The following PTPRB variants were observed in gnomAD, a reference collection of about 807,000 sequenced individuals.
PTPRB encodes receptor-type tyrosine-protein phosphatase beta.
PTPRB carries 97 observed loss-of-function variants against 238.1 expected under a neutral mutation model. The observed-to-expected ratio is 0.41, with a 90% CI of 0.35 to 0.48. The LOEUF is 0.48. Ranked by LOEUF, PTPRB falls within the 20% of genes least tolerant of loss-of-function variation. The pLI is 0.30. For missense variants in PTPRB, 2,292 were observed against 2,681.9 expected, an observed-to-expected ratio of 0.85 and a Z score of 3.21; for synonymous variants, 970 against 995.4, an observed-to-expected ratio of 0.97 and a Z score of 0.48.
In PTPRB at chr12:70,576,539, T is replaced by C. The variant is rs1880720774; in HGVS notation, c.2685A>G (p.Thr895=). Residue 895 remains threonine (T), a synonymous_variant, in exon 11 of 34, where the codon ACA becomes ACG. Transcript: ENST00000334414. ...APGDVDNYEV[T]LSHDGKVVQS... ...GAACCACCTTGCCGTCATGAGACAA[T>C]GTTACCTCATAGTTATCCACATCTC... is the stretch of plus-strand genomic sequence containing the variant. The C allele has an allele frequency of 6.4e-7, 1 of 1,559,272 alleles. No homozygotes were observed. The highest frequency in any genetic ancestry group is 8.7e-7 in the Non-Finnish European group (1 of 1,150,630).
chr12:70,570,077 T>G lies in PTPRB; in HGVS notation c.3371-139A>C. 4.9e-6 allele frequency: 4 copies of G among 815,080 alleles called. No homozygotes were observed. The South Asian group carries it at 7.3e-5, about 15-fold the overall frequency. The allele number at this position is 815,080 out of a possible 1,614,324, so 50.5% of individuals were successfully genotyped here. On this transcript the variant is annotated intron_variant, in intron 13 of 33. Transcript: ENST00000334414. The stretch of plus-strand genomic sequence containing the variant: ...AAAAAGAAAGTAACAATTTGCCACT[T>G]TTCTCTGATTTTTCTGTGTGAACTA...
chr12:70,535,973 T>C (rs934117443), intron 29 of PTPRB, 52 bp downstream of exon 29: 40 of 1,603,964 alleles, frequency 2.5e-5, no homozygotes, highest in Non-Finnish European at 3.4e-5. Flanking sequence ...GGCAGAATTC[T>C]ATCCAGGTGG....
At chr12:70,630,816 C>G (rs1422627343) in intron 2 of PTPRB, among the ~76,000 whole-genome samples, 4 of 152,186 alleles carry the variant, frequency 2.6e-5, no homozygotes, top group African/African-American at 9.7e-5. Flanking sequence ...CATGAATGAA[C>G]TCCCATTCAC....
At chr12:70,543,071 T>C (rs1875426856) in intron 22 of PTPRB, 1 of 152,172 alleles carries the variant, frequency 6.6e-6, no homozygotes, top group Non-Finnish European at 1.5e-5. Context: ...ACTTTGCTGA[T>C]AGTGTCCTTT....
chr12:70,606,769 G>A (rs1883982001), intron 4 of PTPRB, among the ~76,000 whole-genome samples: 1 of 152,110 alleles, frequency 6.6e-6, no homozygotes, highest in Non-Finnish European at 1.5e-5. Flanking sequence ...TTAAAATGTA[G>A]AAAGAACTAC....
intron 2 of PTPRB, among the ~76,000 whole-genome samples, chr12:70,631,875 A>G (rs1265386292): frequency 3.3e-5 from 5 of 152,236 alleles, no homozygotes; most frequent in African/African-American, 9.6e-5. Flanking sequence ...CAAAACCACA[A>G]TGAGATACCA....
At chr12:70,630,097 C>A (rs1885379313) in intron 2 of PTPRB, among the ~76,000 whole-genome samples, 1 of 151,882 alleles carries the variant, frequency 6.6e-6, no homozygotes, top group African/African-American at 2.4e-5. Flanking sequence ...ATACCAAAGC[C>A]TGGCAGAGAC....
Position 70,569,877 on chromosome 12 carries a change from C to G in PTPRB, c.3432G>C (p.Val1144=). ...SPNGATDSLT[V]NWTPGGGDVD... is the part of the protein sequence containing the mutation. ...CGTCTCCCCCACCAGGAGTCCAGTT[C>G]ACCGTCAGGCTATCTGTTGCTCCAT... Residue 1144 remains valine (V), a synonymous_variant, in exon 14 of 34, where the codon GTG becomes GTC. Transcript: ENST00000334414. 1 of 1,613,612 alleles carries G rather than the reference C, an allele frequency of 6.2e-7. No homozygotes were observed. The highest frequency in any genetic ancestry group is 8.5e-7 in the Non-Finnish European group (1 of 1,179,532).
At chr12:70,630,507 A>T (rs899114809) in intron 2 of PTPRB, among the ~76,000 whole-genome samples, 1 of 152,252 alleles carries the variant, frequency 6.6e-6, no homozygotes. Context: ...GAAAACCGGC[A>T]TAAGACAAGG....
chr12:70,595,296 T>TG lies in PTPRB; in HGVS notation c.1259-573dup, dbSNP rs568919851. ...GGGAACATCACACACGGGGACCTGT[T>TG]GGGGGGTGAGGGGGATAAGGAAGGG... On this transcript the variant is annotated intron_variant, in intron 5 of 33. Coordinates refer to ENST00000334414, the MANE Select transcript of PTPRB (RefSeq NM_001109754.4). Among the ~76,000 whole-genome samples the TG allele has an allele frequency of 3.1e-4, 47 of 151,674 alleles. 1 individual carries two copies. In the East Asian group the frequency reaches 8.5e-3, roughly 28 times the overall value.
intron 33 of PTPRB, chr12:70,522,653 A>C (rs779019977): frequency 2.0e-5 from 3 of 152,032 alleles, no homozygotes; most frequent in Non-Finnish European, 4.4e-5. Context: ...TTTCTATTGA[A>C]TTTCCCACTT....
chr12:70,561,252 G>A (rs1042258823), intron 16 of PTPRB, among the ~76,000 whole-genome samples: 4 of 152,032 alleles, frequency 2.6e-5, no homozygotes, highest in Non-Finnish European at 5.9e-5. Flanking sequence ...ATGTATATAC[G>A]AGGTTCCAGC....
intron 20 of PTPRB, among the ~76,000 whole-genome samples, chr12:70,554,088 G>A (rs1203293114): frequency 2.0e-5 from 3 of 152,194 alleles, no homozygotes; most frequent in Admixed American, 2.0e-4. Flanking sequence ...CAATTATGTG[G>A]TGTGAGGAAA....
chr12:70,607,533 A>G (rs1295410585), intron 4 of PTPRB, among the ~76,000 whole-genome samples: 2 of 148,850 alleles, frequency 1.3e-5, no homozygotes, highest in African/African-American at 4.9e-5. Flanking sequence ...AAACCACCAG[A>G]TTCATTTTCC....
At chr12:70,538,046 A>G (rs1022346323) in intron 28 of PTPRB, 109 bp downstream of exon 28, 1 of 868,474 alleles carries the variant, frequency 1.2e-6, no homozygotes, top group African/African-American at 1.7e-5. Context: ...TCTGAAATCT[A>G]CAGGTGTTTC....
In PTPRB at chr12:70,534,888, A is replaced by G; in HGVS notation, c.6149T>C (p.Met2050Thr). The G allele has an allele frequency of 6.2e-7, 1 of 1,613,976 alleles. No homozygotes were observed. The highest frequency in any genetic ancestry group is 8.5e-7 in the Non-Finnish European group (1 of 1,179,856). Residue 2050 changes from methionine (M) to threonine (T), a missense_variant, in exon 30 of 34, where the codon ATG (methionine) becomes ACG (threonine). By Grantham distance (81) the Met-to-Thr change is moderately conservative (BLOSUM62 -1). This residue lies in a region of PTPRB where 397 missense variants were observed against 502.0 expected (regional missense o/e 0.79). Transcript: ENST00000334414. ...CTCAGGCAGGACGGACTCTGAGAGC[A>G]TCTGCAGGATGAGGTCCCCATAGTA... ...SLYYGDLILQMLSESVLPEWT... is the reference protein window; with the variant it reads ...SLYYGDLILQTLSESVLPEWT...
At chr12:70,537,854 G>C (rs1405864473) in intron 28 of PTPRB, among the ~76,000 whole-genome samples, 1 of 152,176 alleles carries the variant, frequency 6.6e-6, no homozygotes, top group East Asian at 1.9e-4. Context: ...GGCAGCTTTA[G>C]CAGGGGAGGT....
rs776158500 is a variant in PTPRB at position 70,522,936 on chromosome 12, C to G, written c.6626-1425G>C. Among the ~76,000 whole-genome samples, 4 of 142,124 alleles carry G rather than the reference C, an allele frequency of 2.8e-5. No homozygotes were observed. In the Admixed American group the frequency reaches 3.0e-4, roughly 11 times the overall value. The allele number at this position is 142,124 out of a possible 152,430, so 93.2% of individuals were successfully genotyped here. ...GGAGTGCAGTGGCATGATCTTGGCT[C>G]ACTGCAACCTTCGCCTCTCGGGTTC... On this transcript the variant is annotated intron_variant, in intron 33 of 33. Transcript: ENST00000334414.
At chr12:70,522,863 C>CTTTTTTT (rs35913444) in intron 33 of PTPRB, among the ~76,000 whole-genome samples, 16 of 118,240 alleles carry the variant, frequency 1.4e-4, no homozygotes, top group South Asian at 2.7e-4. Context: ...TTTGTTTTTT[C>CTTTTTTT]TTTTTTTTTT....
Sources: allele counts gnomAD v4.1 joint callset (sites outside exome capture counted in the v4.1 genomes callset), GRCh38; gene constraint gnomAD v4.1.1; regional missense constraint gnomAD v4.1.1; transcripts MANE v1.5; gene names NCBI Gene and HGNC (gene_info 2026-07-23, HGNC 2026-07-21).